The following ARHGEF18 variants were observed in gnomAD, a reference collection of about 807,000 sequenced individuals.
The protein encoded by ARHGEF18 is rho guanine nucleotide exchange factor 18.
In ARHGEF18, 93 loss-of-function variants were observed where a neutral mutation model predicts 155.7. The ratio of observed to expected loss-of-function variants is 0.60; its 90% CI spans 0.50 to 0.71. The LOEUF is 0.71. Ranked by LOEUF, ARHGEF18 falls within the 30% of genes least tolerant of loss-of-function variation. The probability of loss-of-function intolerance (pLI) is 0.00; values close to 1 mark genes in which losing one functional copy is unlikely to be tolerated. For missense variants in ARHGEF18, 1,593 were observed against 1,816.1 expected (o/e 0.88, Z 2.23); for synonymous variants, 742 against 753.1 (o/e 0.99, Z 0.24).
At position 7,362,110 on chromosome 19, in the gene ARHGEF18, A is replaced by G. The variant is rs1408108937; in HGVS notation, c.-110-671A>G. On this transcript the variant is annotated intron_variant, in intron 1 of 28. Transcript: ENST00000668164. ...GAAGGAGAAGGAGAAGGAGAAGGAG[A>G]AGGAGAAGGAGAAGGAGAAGGAGAA... is the stretch of plus-strand genomic sequence containing the variant. Among the ~76,000 whole-genome samples the G allele has an allele frequency of 2.4e-4, 6 of 24,680 alleles. No homozygotes were observed. The East Asian group carries it at 2.5e-3, about 10-fold the overall frequency. The allele number at this position is 24,680 out of a possible 152,430, so 16.2% of individuals were successfully genotyped here.
At position 7,467,689 on chromosome 19, in the gene ARHGEF18, G is replaced by A. The variant is rs116849358; in HGVS notation, c.3480+5G>A. The A allele has an allele frequency of 2.8e-3, 4,159 of 1,481,784 alleles. 145 individuals carry two copies. In the East Asian group the frequency reaches 0.079, roughly 28 times the overall value. The allele number at this position is 1,481,784 out of a possible 1,614,324, so 91.8% of individuals were successfully genotyped here. A position where few individuals can be genotyped will look rare whatever the true frequency, so the allele number is the denominator to read the frequency against. ...CCGCCCGACACACTGGCCGAGGTGA[G>A]CGCGCAGCAGCCAGTGTGCGCAGGT... On this transcript the variant is annotated splice_donor_5th_base_variant and intron_variant, in intron 26 of 28. Coordinates refer to ENST00000668164, the MANE Select transcript of ARHGEF18 (RefSeq NM_001367823.1).
intron 10 of ARHGEF18, among the ~76,000 whole-genome samples, chr19:7,422,316 C>A (rs1215604802): frequency 6.6e-6 from 1 of 152,058 alleles, no homozygotes; most frequent in Admixed American, 6.6e-5. Context: ...TCTGGCCACA[C>A]TCTTCTAGCA....
At chr19:7,375,097 C>A (rs1200355705) in intron 3 of ARHGEF18, among the ~76,000 whole-genome samples, 2 of 151,836 alleles carry the variant, frequency 1.3e-5, no homozygotes, top group African/African-American at 2.4e-5. Flanking sequence ...TGTGGTGAAA[C>A]CCTGTCTGTA....
chr19:7,416,578 T>TGTGTGTGTGTGTG (rs1555714166), intron 10 of ARHGEF18, among the ~76,000 whole-genome samples: 3 of 132,500 alleles, frequency 2.3e-5, no homozygotes, highest in Non-Finnish European at 3.2e-5. Flanking sequence ...TGTGTGTGTG[T>TGTGTGTGTGTGTG]TTTGGGGTGG....
intron 1 of ARHGEF18, among the ~76,000 whole-genome samples, chr19:7,362,005 A>AAGAAGG (rs1568264232): frequency 3.6e-5 from 2 of 54,894 alleles, no homozygotes; most frequent in Non-Finnish European, 3.5e-5. Flanking sequence ...GAAGAAGAAG[A>AAGAAGG]AGAAGAAGAA....
intron 1 of ARHGEF18, among the ~76,000 whole-genome samples, chr19:7,354,688 C>T (rs1204052941): frequency 6.9e-6 from 1 of 143,978 alleles, no homozygotes; most frequent in Non-Finnish European, 1.6e-5. Flanking sequence ...TCGCTTGTGC[C>T]TGGGAGTTTT....
At chr19:7,451,099 G>A in intron 15 of ARHGEF18, 50 bp from the exon 16 acceptor site, 1 of 1,397,662 alleles carries the variant, frequency 7.2e-7, no homozygotes. Context: ...ACAGGATCTT[G>A]CTGTCCGTTT....
intron 10 of ARHGEF18, among the ~76,000 whole-genome samples, chr19:7,393,656 G>C (rs1456264326): frequency 2.6e-5 from 4 of 151,968 alleles, no homozygotes; most frequent in African/African-American, 9.7e-5. Context: ...TGGCAATTGA[G>C]AGGTTGCTGG....
At chr19:7,414,857 TG>T (rs1226163351) in intron 10 of ARHGEF18, among the ~76,000 whole-genome samples, 1 of 150,764 alleles carries the variant, frequency 6.6e-6, no homozygotes, top group South Asian at 2.1e-4. Flanking sequence ...TAGCCGGGTG[TG>T]GGGGCAGGTG....
intron 15 of ARHGEF18, among the ~76,000 whole-genome samples, chr19:7,450,186 G>C (rs558197302): frequency 2.0e-5 from 3 of 148,028 alleles, no homozygotes; most frequent in Non-Finnish European, 4.5e-5. Flanking sequence ...ACGCAATCTT[G>C]CTGTCCATTT....
downstream of ARHGEF18, among the ~76,000 whole-genome samples, chr19:7,474,754 AGTGTGTGTGT>A (rs3219570): frequency 2.8e-5 from 4 of 141,968 alleles, no homozygotes; most frequent in African/African-American, 5.5e-5. Flanking sequence ...TGGGCATTGG[AGTGTGTGTGT>A]GTGTGTGTGT....
intron 10 of ARHGEF18, among the ~76,000 whole-genome samples, chr19:7,439,264 T>C (rs1974470579): frequency 7.0e-6 from 1 of 142,752 alleles, no homozygotes; most frequent in Non-Finnish European, 1.5e-5. Flanking sequence ...AAGACCAGCC[T>C]GAGCAACATA....
rs1332772585 is a variant in ARHGEF18, at chr19:7,394,609, CCCCCCAACCCCGCTGTCCTCCCTTGGGGT to C, written c.967+11430_967+11458del. ...CAACTCCGCTGTCCTCCCTCGGGGT[CCCCCCAACCCCGCTGTCCTCCCTTGGGGT>C]CCCCCAACCCCGCTGTCCTCCCTCA... On this transcript the variant is annotated intron_variant, in intron 10 of 28. Coordinates refer to ENST00000668164, the MANE Select transcript of ARHGEF18 (RefSeq NM_001367823.1). Among the ~76,000 whole-genome samples the C allele has an allele frequency of 9.3e-5, 14 of 151,220 alleles. No individual in the cohort carries two copies. The East Asian group carries it at 9.8e-4, about 11-fold the overall frequency.
chr19:7,378,817 A>G (rs1263838442), intron 6 of ARHGEF18, among the ~76,000 whole-genome samples: 4 of 147,848 alleles, frequency 2.7e-5, no homozygotes, highest in Non-Finnish European at 5.9e-5. Flanking sequence ...CTCAGCCTCC[A>G]GAGTAACTGG....
chr19:7,351,300 A>T lies in ARHGEF18; in HGVS notation c.-111+2059A>T, dbSNP rs77907721. ...TCTGTAAGCAAGTCTGCTAGAGTGG[A>T]CTTCTTTTGTTTGTTTGTTTGTTTG... On this transcript the variant is annotated intron_variant, in intron 1 of 28. Coordinates refer to ENST00000668164, the MANE Select transcript of ARHGEF18 (RefSeq NM_001367823.1). Among the ~76,000 whole-genome samples, 1,911 of 140,264 alleles carry T rather than the reference A, an allele frequency of 0.014. 132 individuals are homozygous for T. The East Asian group carries it at 0.23, about 17-fold the overall frequency. 92.0% of individuals were successfully genotyped at this position (140,264 alleles called of 152,430 possible). A position where few individuals can be genotyped will look rare whatever the true frequency, so the allele number is the denominator to read the frequency against.
At chr19:7,408,014 C>T (rs952943579) in intron 10 of ARHGEF18, among the ~76,000 whole-genome samples, 1 of 145,580 alleles carries the variant, frequency 6.9e-6, no homozygotes, top group Admixed American at 6.9e-5. Flanking sequence ...TGCAGTGGCT[C>T]ACGCCTGTAA....
At chr19:7,374,979 A>G (rs971136641) in intron 3 of ARHGEF18, among the ~76,000 whole-genome samples, 2 of 152,216 alleles carry the variant, frequency 1.3e-5, no homozygotes, top group African/African-American at 4.8e-5. Context: ...GTCATCCCAC[A>G]TAGAAATTCA....
rs1412022955 is a variant in ARHGEF18 at position 7,395,426 on chromosome 19, C to A, written c.967+12223C>A. On this transcript the variant is annotated intron_variant, in intron 10 of 28. Transcript: ENST00000668164. The surrounding 1 kb of genome is among the most constrained non-coding windows in gnomAD (Gnocchi z 5.0). The stretch of plus-strand genomic sequence containing the variant: ...TGGGGTGCAGGCTGCTCCTTCAATG[C>A]ATGGAGGCTCTAGGCGGCGATTGCA... Among the ~76,000 whole-genome samples, 1 of 151,586 alleles carries A rather than the reference C, an allele frequency of 6.6e-6. No individual in the cohort carries two copies.
chr19:7,476,733 C>G (rs1977236393), downstream of ARHGEF18: 1 of 155,822 alleles, frequency 6.4e-6, no homozygotes, highest in Non-Finnish European at 1.4e-5. Flanking sequence ...GCAACGCTTG[C>G]TCAAAGATGG....
Sources: gnomAD v4.1 joint callset for allele counts (sites outside exome capture counted in the v4.1 genomes callset) on GRCh38, gnomAD v4.1.1 for gene constraint, Gnocchi (gnomAD v3.1) non-coding constraint, MANE v1.5 for transcripts, NCBI Gene and HGNC (gene_info 2026-07-23, HGNC 2026-07-21) for gene names.